Variants in CEP126 observed in about 807,000 individuals in gnomAD.
The protein encoded by CEP126 is centrosomal protein of 126 kDa.
A neutral mutation model predicts 107.8 loss-of-function variants in CEP126; 74 were observed. The observed-to-expected ratio is 0.69, with a 90% confidence interval of 0.57 to 0.83. CEP126 has a LOEUF of 0.83. Ranked by LOEUF, CEP126 falls within the 40% of genes least tolerant of loss-of-function variation. CEP126 has a pLI of 0.00. For synonymous variants in CEP126, 449 were observed against 446.0 expected, an observed-to-expected ratio of 1.01 and a Z score of -0.08; for missense variants, 1,237 against 1,281.9, an observed-to-expected ratio of 0.96 and a Z score of 0.53.
chr11:101,963,607 A>T lies in CEP126; in HGVS notation c.2572A>T (p.Ser858Cys). ...TTTGAATCAGTGGAATCAGGAAAGT[A>T]GTTCTCCACTCTCAAATGCTTGTTC... ...HSLNQWNQES[S>C]SPLSNACSDL... is the part of the protein sequence containing the mutation. The change falls in exon 6 of 11, where the codon AGT becomes TGT. Residue 858 changes from serine to cysteine, a missense_variant. By Grantham distance (112) the Ser-to-Cys change is moderately radical (BLOSUM62 -1). Coordinates refer to ENST00000263468, the MANE Select transcript of CEP126 (RefSeq NM_020802.4). 1 of 1,614,178 alleles carries T rather than the reference A, an allele frequency of 6.2e-7. No individual in the cohort carries two copies. The highest frequency in any genetic ancestry group is 8.5e-7 in the Non-Finnish European group (1 of 1,180,008).
In CEP126 at chr11:101,961,736, T is replaced by C. The variant is rs776515192; in HGVS notation, c.706-5T>C. On this transcript the variant is annotated splice_polypyrimidine_tract_variant and splice_region_variant and intron_variant, in intron 5 of 10. Transcript: ENST00000263468. ...GCTATAAAACAATGTTCTTTTTTTT[T>C]CCAGAAATTTTGTGATGAAGTTAAT... 4.1e-6 allele frequency: 6 copies of C among 1,452,934 alleles called. No homozygotes were observed. Among genetic ancestry groups the C allele is most frequent in the Non-Finnish European group, 5.6e-6 (6 of 1,072,924 alleles). 90.0% of individuals were successfully genotyped at this position (1,452,934 alleles called of 1,614,324 possible). A position where few individuals can be genotyped will look rare whatever the true frequency, so the allele number is the denominator to read the frequency against.
At chr11:101,983,691 C>T (rs1241729617) in intron 8 of CEP126, among the ~76,000 whole-genome samples, 2 of 152,196 alleles carry the variant, frequency 1.3e-5, no homozygotes, top group Non-Finnish European at 2.9e-5. Context: ...GTATATGTTA[C>T]TGATGAACAT....
chr11:101,947,168 G>A (rs1329901020), intron 3 of CEP126, among the ~76,000 whole-genome samples: 3 of 152,108 alleles, frequency 2.0e-5, no homozygotes, highest in Non-Finnish European at 4.4e-5. Context: ...TTGATGACAT[G>A]TTGGTGTTTT....
rs773623591 is a variant in CEP126 at position 101,922,774 on chromosome 11, C to T, written c.248+14C>T. On this transcript the variant is annotated intron_variant, in intron 2 of 10. Coordinates refer to ENST00000263468, the MANE Select transcript of CEP126 (RefSeq NM_020802.4). ...TCGGAGAAAAAAGTAAGTAATTGCA[C>T]TTTATTCAGAAGTATAGAAATTCAA... 20 of 1,602,072 alleles carry T rather than the reference C, an allele frequency of 1.2e-5. No individual in the cohort carries two copies. Among genetic ancestry groups the T allele is most frequent in the Non-Finnish European group, 1.6e-5 (19 of 1,171,058 alleles).
intron 6 of CEP126, among the ~76,000 whole-genome samples, chr11:101,972,312 G>A (rs1941140552): frequency 2.0e-5 from 3 of 151,936 alleles, no homozygotes; most frequent in African/African-American, 7.3e-5. Context: ...TGTAGTCCCA[G>A]CTACTCGAGA....
rs1322299398 is a variant in CEP126, at chr11:101,922,758, AAAGT to A, written c.248+5_248+8del. ...ATTTTGTGGAGTCAAATCGGAGAAA[AAAGT>A]AAGTAATTGCACTTTATTCAGAAGT... On this transcript the variant is annotated splice_donor_variant and coding_sequence_variant, in exon 2 of 11. Coordinates refer to ENST00000263468, the MANE Select transcript of CEP126 (RefSeq NM_020802.4). LOFTEE classifies it high-confidence loss of function. 2 of 1,610,494 alleles carry A rather than the reference AAAGT, an allele frequency of 1.2e-6. No individual in the cohort carries two copies. Among genetic ancestry groups the A allele is most frequent in the African/African-American group, 1.3e-5 (1 of 74,830 alleles).
At chr11:101,935,699 G>C (rs1370789820) in intron 2 of CEP126, among the ~76,000 whole-genome samples, 3 of 151,908 alleles carry the variant, frequency 2.0e-5, no homozygotes, top group Non-Finnish European at 4.4e-5. Flanking sequence ...ATACTACATT[G>C]ACTTGATTAT....
chr11:101,918,220 G>A (rs1940260922), intron 1 of CEP126, among the ~76,000 whole-genome samples: 1 of 152,162 alleles, frequency 6.6e-6, no homozygotes, highest in South Asian at 2.1e-4. Flanking sequence ...GGCCGAGGTA[G>A]GCAGATTGCT....
In CEP126 at chr11:101,962,035, T is replaced by G; in HGVS notation, c.1000T>G (p.Ser334Ala). The G allele has an allele frequency of 6.2e-7, 1 of 1,613,378 alleles. No homozygotes were observed. The highest frequency in any genetic ancestry group is 8.5e-7 in the Non-Finnish European group (1 of 1,179,562). The stretch of plus-strand genomic sequence containing the variant: ...AGCTTTCTCAGATATTTTAAGTAAA[T>G]CTAATGTTCTGCCTTCATGGGAATA... ...VTAFSDILSK[S>A]NVLPSWEYFN... is the part of the protein sequence containing the mutation. Residue 334 changes from serine (S) to alanine (A), a missense_variant, in exon 6 of 11, where the codon TCT becomes GCT. Coordinates refer to ENST00000263468, the MANE Select transcript of CEP126 (RefSeq NM_020802.4).
chr11:101,953,402 G>T (rs941688486), intron 4 of CEP126, among the ~76,000 whole-genome samples: 4 of 149,566 alleles, frequency 2.7e-5, no homozygotes, highest in African/African-American at 1.0e-4. Flanking sequence ...AGAAGATTTT[G>T]TTAACCCTTT....
chr11:101,957,625 G>T (rs922064485), intron 4 of CEP126, among the ~76,000 whole-genome samples: 1 of 140,186 alleles, frequency 7.1e-6, no homozygotes, highest in African/African-American at 2.5e-5. Context: ...TGAGTACTTG[G>T]CCTCCATTGA....
At chr11:101,933,814 ACC>A (rs150633052) in intron 2 of CEP126, among the ~76,000 whole-genome samples, 5 of 122,842 alleles carry the variant, frequency 4.1e-5, no homozygotes, top group East Asian at 2.4e-4. Flanking sequence ...CACCCCCGAG[ACC>A]CCCCCCCCAC....
At chr11:101,974,024 G>T (rs886611245) in intron 6 of CEP126, among the ~76,000 whole-genome samples, 111 of 152,046 alleles carry the variant, frequency 7.3e-4, no homozygotes, top group Non-Finnish European at 2.5e-4. Context: ...ATGACTAAAA[G>T]TTTTTCTCAA....
chr11:101,941,951 T>C (rs980947159), intron 2 of CEP126, among the ~76,000 whole-genome samples: 4 of 152,186 alleles, frequency 2.6e-5, no homozygotes, highest in African/African-American at 4.8e-5. Context: ...ATATCTTCTT[T>C]AGAGAAATTT....
chr11:101,923,705 C>T (rs191130870), intron 2 of CEP126, among the ~76,000 whole-genome samples: 28 of 152,202 alleles, frequency 1.8e-4, no homozygotes, highest in Admixed American at 7.2e-4. Flanking sequence ...GGGCTCCTGG[C>T]ATCTATAAAC....
Position 101,958,215 on chromosome 11 carries a change from A to T in CEP126, c.554A>T (p.Lys185Met). 1 of 1,614,006 alleles carries T rather than the reference A, an allele frequency of 6.2e-7. No individual in the cohort carries two copies. The highest frequency in any genetic ancestry group is 1.3e-5 in the African/African-American group (1 of 75,052). Reference sequence around the variant, plus strand: ...TCCGCATTATCAAAAAATGATCACAAGCATCAGAAACAACTCTTATCCAAA... The same window carrying T: ...TCCGCATTATCAAAAAATGATCACATGCATCAGAAACAACTCTTATCCAAA... ...LPSALSKNDH[K>M]HQKQLLSKIN... The change falls in exon 5 of 11, where the codon AAG becomes ATG. Residue 185 changes from lysine to methionine, a missense_variant. By Grantham distance (95) the Lys-to-Met change is moderately conservative (BLOSUM62 -1). This residue lies in a region of CEP126 where 1,134 missense variants were observed against 1,150.5 expected (regional missense o/e 0.99). Coordinates refer to ENST00000263468, the MANE Select transcript of CEP126 (RefSeq NM_020802.4).
At chr11:101,923,302 A>G (rs1178450320) in intron 2 of CEP126, among the ~76,000 whole-genome samples, 1 of 152,200 alleles carries the variant, frequency 6.6e-6, no homozygotes, top group Non-Finnish European at 1.5e-5. Flanking sequence ...TGAATGCTAG[A>G]AAAAGGAGCT....
chr11:101,992,803 C>T lies in CEP126; in HGVS notation c.3270C>T (p.Asn1090=). The stretch of plus-strand genomic sequence containing the variant: ...ATATACAAGAATCCATTTGCAAAAA[C>T]CCATCCATCAAAAATACTTTACAAA... ...LHYIQESICK[N]PSIKNTLQII... The change falls in exon 10 of 11, where the codon AAC becomes AAT. Residue 1090 remains asparagine (N), a synonymous_variant. Coordinates refer to ENST00000263468, the MANE Select transcript of CEP126 (RefSeq NM_020802.4). The T allele has an allele frequency of 6.6e-7, 1 of 1,523,718 alleles. No individual in the cohort carries two copies. The highest frequency in any genetic ancestry group is 1.3e-5 in the South Asian group (1 of 77,992). 94.4% of individuals were successfully genotyped at this position (1,523,718 alleles called of 1,614,324 possible). A position where few individuals can be genotyped will look rare whatever the true frequency, so the allele number is the denominator to read the frequency against.
chr11:101,968,464 A>T (rs1941085883), intron 6 of CEP126, among the ~76,000 whole-genome samples: 2 of 152,224 alleles, frequency 1.3e-5, no homozygotes, highest in Non-Finnish European at 2.9e-5. Context: ...TCAATAAAAT[A>T]TTAGGAGATT....
Sources: allele counts gnomAD v4.1 joint callset (sites outside exome capture counted in the v4.1 genomes callset), GRCh38; gene constraint gnomAD v4.1.1; regional missense constraint gnomAD v4.1.1; transcripts MANE v1.5; gene names NCBI Gene and HGNC (gene_info 2026-07-23, HGNC 2026-07-21).